METTL4: variants seen among roughly 807,000 people sequenced by gnomAD.
The protein encoded by METTL4 is N(6)-adenine-specific methyltransferase METTL4.
In METTL4, 40 loss-of-function variants were observed where a neutral mutation model predicts 54.0. That is an observed-to-expected ratio of 0.74 (90% CI 0.58 to 0.96). The LOEUF is 0.96. METTL4 is among the 50% of genes least tolerant of loss of function. METTL4 has a pLI of 0.00. For synonymous variants in METTL4, 169 were observed against 183.8 expected (o/e 0.92, Z 0.65); for missense variants, 525 against 549.0 (o/e 0.96, Z 0.44).
rs141867527 is a variant in METTL4, at chr18:2,550,867, A to G, written c.899+1828T>C. ...GTCTGTACATAATAGTGCCAAATCA[A>G]TAAGGATATTATATCAGCCGGGCGC... On this transcript the variant is annotated intron_variant, in intron 5 of 8. Transcript: ENST00000574538. 7.9e-3 allele frequency among the ~76,000 whole-genome samples: 1,209 copies of G among 152,304 alleles called. 10 individuals carry two copies. The highest frequency in any genetic ancestry group is 0.028 in the African/African-American group (1,159 of 41,562).
chr18:2,555,253 T>G (rs2072222359), intron 3 of METTL4: 1 of 554,432 alleles, frequency 1.8e-6, no homozygotes, highest in Admixed American at 3.5e-5. Context: ...CACTGACAAC[T>G]AAATAACCAA....
chr18:2,545,215 A>G (rs1318644518), intron 6 of METTL4, among the ~76,000 whole-genome samples: 1 of 152,190 alleles, frequency 6.6e-6, no homozygotes, highest in Admixed American at 6.5e-5. Flanking sequence ...TATTTCAAAT[A>G]TAACTTCATT....
At chr18:2,540,632 C>A (rs944198404) in intron 8 of METTL4, 14 of 985,242 alleles carry the variant, frequency 1.4e-5, no homozygotes, top group Non-Finnish European at 1.7e-5. Context: ...AGGCTTCTAA[C>A]CCTTTCCTAA....
chr18:2,552,248 T>C (rs8083314), intron 5 of METTL4, among the ~76,000 whole-genome samples: 16,854 of 150,910 alleles, frequency 0.11, 972 homozygotes, highest in Non-Finnish European at 0.13. Flanking sequence ...TGTTTAATGC[T>C]ATTGAAAGGA....
intron 3 of METTL4, among the ~76,000 whole-genome samples, chr18:2,556,027 C>T (rs2072234138): frequency 6.6e-6 from 1 of 152,014 alleles, no homozygotes; most frequent in Admixed American, 6.6e-5. Flanking sequence ...TCTAGAAAGG[C>T]CAAGGAAGGT....
At chr18:2,564,200 G>A (rs988091908) in intron 2 of METTL4, among the ~76,000 whole-genome samples, 2 of 151,014 alleles carry the variant, frequency 1.3e-5, no homozygotes, top group Non-Finnish European at 2.9e-5. Context: ...TCAGAAGATC[G>A]AGACCATCCC....
chr18:2,568,316 T>C (rs1191122678), intron 1 of METTL4: 1 of 152,192 alleles, frequency 6.6e-6, no homozygotes, highest in Non-Finnish European at 1.5e-5. Context: ...TGTGACACTA[T>C]CTAAAGATAG....
chr18:2,553,932 T>G (rs571776227), intron 4 of METTL4: 1 of 152,328 alleles, frequency 6.6e-6, no homozygotes, highest in African/African-American at 2.4e-5. Context: ...AAGTGTAAGA[T>G]GGCTTGATAG....
intron 8 of METTL4, among the ~76,000 whole-genome samples, chr18:2,539,421 G>T (rs749057262): frequency 4.6e-5 from 7 of 151,672 alleles, no homozygotes; most frequent in Non-Finnish European, 8.8e-5. Flanking sequence ...CACCTACTAG[G>T]TGACTTTTCA....
At chr18:2,554,033 G>A (rs2072199934) in intron 4 of METTL4, 1 of 152,088 alleles carries the variant, frequency 6.6e-6, no homozygotes, top group African/African-American at 2.4e-5. Context: ...ACAATAAACA[G>A]CACATTAAAT....
Position 2,544,702 on chromosome 18 carries a change from C to T in METTL4, c.1132G>A (p.Glu378Lys), listed in dbSNP as rs777454984. 1.2e-5 allele frequency: 19 copies of T among 1,612,990 alleles called. No individual in the cohort carries two copies. Among genetic ancestry groups the T allele is most frequent in the Non-Finnish European group, 1.4e-5 (17 of 1,179,494 alleles). The change falls in exon 7 of 9, where the codon GAA becomes AAA. Residue 378 changes from glutamate (E) to lysine (K), a missense_variant. Transcript: ENST00000574538. ...TGAACCCTCCCCAGTATAAGACCTT[C>T]GTAGGGCTTTTTGTGTGGAGAATCT... ...PLDSPHKKPY[E>K]GLILGRVQEK...
chr18:2,556,558 T>C (rs575879671), intron 3 of METTL4, among the ~76,000 whole-genome samples: 2 of 151,938 alleles, frequency 1.3e-5, no homozygotes, highest in Non-Finnish European at 2.9e-5. Flanking sequence ...AATGGAAACA[T>C]AGGAATGATA....
At chr18:2,550,181 A>T (rs2072133388) in intron 5 of METTL4, among the ~76,000 whole-genome samples, 1 of 152,168 alleles carries the variant, frequency 6.6e-6, no homozygotes. Context: ...TTGAAAGTAC[A>T]TGGTTTCAGT....
In METTL4 at chr18:2,567,036, C is replaced by T; in HGVS notation, c.181G>A (p.Ala61Thr). 1.9e-6 allele frequency: 3 copies of T among 1,614,094 alleles called. No homozygotes were observed. The highest frequency in any genetic ancestry group is 1.7e-6 in the Non-Finnish European group (2 of 1,179,956). The change falls in exon 2 of 9, where the codon GCA (alanine) becomes ACA (threonine). Residue 61 changes from alanine (A) to threonine (T), a missense_variant. Coordinates refer to ENST00000574538, the MANE Select transcript of METTL4 (RefSeq NM_022840.5). ...GTGGAAGAGTCAGAAGCAATAAATG[C>T]AGCACAGACTCCAGAGGAGGACACA... ...DSVSSSGVCA[A>T]FIASDSSTKP... is the part of the protein sequence containing the mutation.
At position 2,567,219 on chromosome 18, in the gene METTL4, C is replaced by A; in HGVS notation, c.-3G>T. 1 of 1,557,976 alleles carries A rather than the reference C, an allele frequency of 6.4e-7. No homozygotes were observed. The highest frequency in any genetic ancestry group is 1.2e-5 in the South Asian group (1 of 82,462). ...GACAACTGGTGTACCACAGACATTC[C>A]CTTCCTTTAAAAAAGCCTCTGGGAA... is the stretch of plus-strand genomic sequence containing the variant. On this transcript the variant is annotated 5_prime_UTR_variant, in exon 2 of 9. Coordinates refer to ENST00000574538, the MANE Select transcript of METTL4 (RefSeq NM_022840.5).
intron 8 of METTL4, among the ~76,000 whole-genome samples, chr18:2,542,747 C>T (rs2072011656): frequency 2.0e-5 from 3 of 151,952 alleles, no homozygotes; most frequent in Non-Finnish European, 2.9e-5. Context: ...ATAAGGCAAT[C>T]GATTATTCAC....
Position 2,554,657 on chromosome 18 carries a change from A to G in METTL4, c.829+12T>C. On this transcript the variant is annotated intron_variant, in intron 4 of 8. Transcript: ENST00000574538. ...TTATCTTTTTCTAATAACAAACACA[A>G]TAATTACTTACAGTTTAGAAGTGGT... 1 of 1,582,298 alleles carries G rather than the reference A, an allele frequency of 6.3e-7. No homozygotes were observed. Among genetic ancestry groups the G allele is most frequent in the Non-Finnish European group, 8.5e-7 (1 of 1,172,276 alleles).
rs1467510108 is a variant in METTL4 at position 2,537,651 on chromosome 18, T to C, written c.*1349A>G. On this transcript the variant is annotated 3_prime_UTR_variant, in exon 9 of 9. Coordinates refer to ENST00000574538, the MANE Select transcript of METTL4 (RefSeq NM_022840.5). ...TCACACACTCAAAGGATGAACAAAC[T>C]TCAAAAATAACATATTTTTCTTTGA... 3 of 378,264 alleles carry C rather than the reference T, an allele frequency of 7.9e-6. No individual in the cohort carries two copies. The highest frequency in any genetic ancestry group is 1.4e-5 in the Non-Finnish European group (3 of 213,962). 23.4% of individuals were successfully genotyped at this position (378,264 alleles called of 1,614,324 possible). A position where few individuals can be genotyped will look rare whatever the true frequency, so the allele number is the denominator to read the frequency against.
chr18:2,563,383 A>G (rs1211621852), intron 3 of METTL4, among the ~76,000 whole-genome samples: 1 of 152,158 alleles, frequency 6.6e-6, no homozygotes, highest in African/African-American at 2.4e-5. Context: ...GCCAGAGCTC[A>G]GTAGTTTGAG....
Sources: gnomAD v4.1 joint callset for allele counts (sites outside exome capture counted in the v4.1 genomes callset) on GRCh38, gnomAD v4.1.1 for gene constraint, MANE v1.5 for transcripts, NCBI Gene and HGNC (gene_info 2026-07-23, HGNC 2026-07-21) for gene names.